RAC1: variants seen among roughly 807,000 people sequenced by gnomAD.
RAC1 encodes Rac family small GTPase 1, also known as ras-related C3 botulinum toxin substrate 1.
In RAC1, 2 loss-of-function variants were observed where a neutral mutation model predicts 25.2. The ratio of observed to expected loss-of-function variants is 0.08; its 90% CI spans 0.03 to 0.25. The LOEUF is 0.25. Among genes scored for constraint, RAC1 ranks in the 10% least tolerant of loss-of-function variants. The probability of loss-of-function intolerance (pLI) is 1.00; values close to 1 mark genes in which losing one functional copy is unlikely to be tolerated. For missense variants in RAC1, 50 were observed against 235.7 expected, an observed-to-expected ratio of 0.21 and a Z score of 5.16; for synonymous variants, 88 against 94.0, an observed-to-expected ratio of 0.94 and a Z score of 0.37.
intron 2 of RAC1, 121 bp downstream of exon 2, chr7:6,387,404 A>C (rs1782953805): frequency 8.3e-6 from 6 of 719,258 alleles, no homozygotes; most frequent in Admixed American, 6.4e-5. Flanking sequence ...TTTTTTCTTA[A>C]ACATTCACTG....
At chr7:6,379,809 C>T (rs1782714638) in intron 1 of RAC1, among the ~76,000 whole-genome samples, 1 of 151,704 alleles carries the variant, frequency 6.6e-6, no homozygotes, top group Admixed American at 6.6e-5. Context: ...GGTGCAGTGG[C>T]ATGATATGGG....
chr7:6,384,429 C>A (rs1782864249), intron 1 of RAC1, among the ~76,000 whole-genome samples: 1 of 152,188 alleles, frequency 6.6e-6, no homozygotes, highest in Non-Finnish European at 1.5e-5. Flanking sequence ...AGGATCTAGT[C>A]CCCATGTCCT....
chr7:6,391,789 C>G (rs836479), intron 2 of RAC1, 135 bp from the exon 3 acceptor site: 2 of 1,412,042 alleles, frequency 1.4e-6, no homozygotes, highest in African/African-American at 2.9e-5. Flanking sequence ...CTCCTTGTGC[C>G]TGCAGGGACA....
intron 2 of RAC1, 143 bp downstream of exon 2, chr7:6,387,426 T>A: frequency 1.6e-6 from 1 of 641,698 alleles, no homozygotes; most frequent in Non-Finnish European, 2.7e-6. Context: ...AACCTAATTA[T>A]AAGGTATATT....
intron 3 of RAC1, among the ~76,000 whole-genome samples, chr7:6,394,583 G>C (rs1019422601): frequency 9.8e-5 from 15 of 152,296 alleles, no homozygotes; most frequent in African/African-American, 3.4e-4. Flanking sequence ...GCTGTGCAGC[G>C]GGTTCGCTGA....
intron 3 of RAC1, among the ~76,000 whole-genome samples, chr7:6,393,832 G>T (rs187574101): frequency 1.3e-5 from 2 of 152,302 alleles, no homozygotes; most frequent in Non-Finnish European, 2.9e-5. Context: ...CCACCCAGCA[G>T]TGGAAGCATT....
chr7:6,393,188 C>T (rs531171948), intron 3 of RAC1, among the ~76,000 whole-genome samples: 4 of 152,118 alleles, frequency 2.6e-5, no homozygotes, highest in African/African-American at 7.2e-5. Flanking sequence ...ACCAGTACTT[C>T]GTTGTAGGGG....
rs919168444 is a variant in RAC1 at position 6,403,676 on chromosome 7, T to C, written c.*1230T>C. 9.6e-6 allele frequency: 2 copies of C among 207,390 alleles called. No homozygotes were observed. The highest frequency in any genetic ancestry group is 2.3e-5 in the African/African-American group (1 of 43,900). The allele number at this position is 207,390 out of a possible 1,614,324, so 12.8% of individuals were successfully genotyped here. ...CTTGCCAGATTACCGACACTGTCAC[T>C]TGACCAATACTGACCCTCTTTACCT... On this transcript the variant is annotated 3_prime_UTR_variant, in exon 6 of 6. Transcript: ENST00000348035.
At chr7:6,395,734 T>C (rs1326300837) in intron 3 of RAC1, among the ~76,000 whole-genome samples, 2 of 151,932 alleles carry the variant, frequency 1.3e-5, no homozygotes, top group African/African-American at 4.8e-5. Flanking sequence ...GCCAGGCTGG[T>C]TCTCATACGT....
At chr7:6,400,785 C>G (rs923140773) in intron 4 of RAC1, among the ~76,000 whole-genome samples, 2 of 152,148 alleles carry the variant, frequency 1.3e-5, no homozygotes, top group African/African-American at 2.4e-5. Context: ...AAGTGATTCT[C>G]ATGCCTCAGC....
intron 3 of RAC1, among the ~76,000 whole-genome samples, chr7:6,397,260 AAG>A (rs1287750223): frequency 2.0e-5 from 3 of 150,214 alleles, no homozygotes; most frequent in African/African-American, 4.9e-5. Context: ...AAAGAAAAAA[AAG>A]AAAAAAAGAA....
intron 1 of RAC1, among the ~76,000 whole-genome samples, chr7:6,381,251 C>T (rs1011180856): frequency 6.6e-6 from 1 of 152,198 alleles, no homozygotes; most frequent in African/African-American, 2.4e-5. Flanking sequence ...TGGCTTGTAT[C>T]AACTACACCA....
chr7:6,390,474 C>T (rs910268288), intron 2 of RAC1, among the ~76,000 whole-genome samples: 1 of 151,812 alleles, frequency 6.6e-6, no homozygotes, highest in Admixed American at 6.6e-5. Flanking sequence ...GTGGCGTGCA[C>T]CTGTAATCCC....
At chr7:6,401,038 C>T (rs1783386477) in intron 4 of RAC1, among the ~76,000 whole-genome samples, 1 of 151,770 alleles carries the variant, frequency 6.6e-6, no homozygotes, top group African/African-American at 2.4e-5. Context: ...GTCACTGCAA[C>T]CTCCCCCTCC....
At chr7:6,383,784 CTTTTTTTTTTTTTTTTTTTTTTTT>C (rs34847745) in intron 1 of RAC1, among the ~76,000 whole-genome samples, 1 of 39,770 alleles carries the variant, frequency 2.5e-5, no homozygotes, top group Non-Finnish European at 4.7e-5. Flanking sequence ...CAACCTTTAT[CTTTTTTTTTTTTTTTTTTTTTTTT>C]TTTTTTTTTT....
intron 1 of RAC1, among the ~76,000 whole-genome samples, chr7:6,377,560 A>C (rs1263179970): frequency 6.6e-6 from 1 of 152,068 alleles, no homozygotes; most frequent in Non-Finnish European, 1.5e-5. Context: ...GTGCCATTGC[A>C]CTCCAGCCCG....
chr7:6,390,893 TTTC>T (rs777693920), intron 2 of RAC1, among the ~76,000 whole-genome samples: 145 of 152,260 alleles, frequency 9.5e-4, no homozygotes, highest in Non-Finnish European at 9.6e-4. Flanking sequence ...ACACCTTTTC[TTTC>T]TTCTTCTTCT....
chr7:6,394,165 G>C (rs1451876745), intron 3 of RAC1, among the ~76,000 whole-genome samples: 1 of 152,156 alleles, frequency 6.6e-6, no homozygotes, highest in Non-Finnish European at 1.5e-5. Context: ...CCTAAAAAGA[G>C]ATGTTACATT....
intron 1 of RAC1, among the ~76,000 whole-genome samples, chr7:6,386,012 G>C (rs1453257703): frequency 6.6e-6 from 1 of 152,166 alleles, no homozygotes; most frequent in Non-Finnish European, 1.5e-5. Context: ...TTAGTTATTA[G>C]GTGATAGCCT....
Sources: gnomAD v4.1 joint callset for allele counts (sites outside exome capture counted in the v4.1 genomes callset) on GRCh38, gnomAD v4.1.1 for gene constraint, MANE v1.5 for transcripts, NCBI Gene and HGNC (gene_info 2026-07-23, HGNC 2026-07-21) for gene names.